DCAF5: variants seen among roughly 807,000 people sequenced by gnomAD.
The protein encoded by DCAF5 is DDB1- and CUL4-associated factor 5.
DCAF5 carries 9 observed loss-of-function variants against 80.7 expected under a neutral mutation model. That is an observed-to-expected ratio of 0.11 (90% confidence interval 0.07 to 0.19). The LOEUF is 0.19. Among genes scored for constraint, DCAF5 ranks in the 10% least tolerant of loss-of-function variants. DCAF5 has a pLI of 1.00. For synonymous variants in DCAF5, 433 were observed against 461.9 expected (o/e 0.94, Z 0.80); for missense variants, 842 against 1,205.7 (o/e 0.70, Z 4.47).
intron 1 of DCAF5, among the ~76,000 whole-genome samples, chr14:69,139,963 GA>G (rs2041314763): frequency 2.0e-5 from 3 of 151,666 alleles, no homozygotes; most frequent in Admixed American, 2.0e-4. Context: ...AAAGGAGAAA[GA>G]AAGAAGAAAA....
In DCAF5 at chr14:69,152,443, C is replaced by T. The variant is rs184373338; in HGVS notation, c.214+322G>A. The T allele has an allele frequency of 9.9e-5, 26 of 263,112 alleles. No individual in the cohort carries two copies. The highest frequency in any genetic ancestry group is 5.6e-4 in the African/African-American group (25 of 44,956). The allele number at this position is 263,112 out of a possible 1,614,324, so 16.3% of individuals were successfully genotyped here. A position where few individuals can be genotyped will look rare whatever the true frequency, so the allele number is the denominator to read the frequency against. On this transcript the variant is annotated intron_variant, in intron 1 of 8. Coordinates refer to ENST00000341516, the MANE Select transcript of DCAF5 (RefSeq NM_003861.3). This position sits in a 1 kb window ranked among gnomAD's most constrained non-coding sequence, Gnocchi z 4.1. ...TAAAGTACGCGGAGGAAGAGTTTGC[C>T]GTCAAACTTTGTAGAGCGGTAACCT...
intron 1 of DCAF5, among the ~76,000 whole-genome samples, chr14:69,149,221 T>C (rs932603399): frequency 6.6e-6 from 1 of 152,230 alleles, no homozygotes; most frequent in African/African-American, 2.4e-5. Context: ...GCTTAGTAAC[T>C]TGACTAAAGT....
At chr14:69,084,944 G>C (rs2039260352) in intron 6 of DCAF5, 1 of 1,428,146 alleles carries the variant, frequency 7.0e-7, no homozygotes, top group African/African-American at 1.4e-5. Flanking sequence ...ACCTAAATGG[G>C]AGAAGGCATG....
intron 6 of DCAF5, among the ~76,000 whole-genome samples, chr14:69,081,514 A>C (rs912550955): frequency 5.3e-5 from 8 of 152,132 alleles, no homozygotes; most frequent in Non-Finnish European, 1.0e-4. Context: ...TAGACATTTT[A>C]AGTAGGGTTA....
chr14:69,143,332 A>C (rs771078177), intron 1 of DCAF5, among the ~76,000 whole-genome samples: 4 of 152,212 alleles, frequency 2.6e-5, no homozygotes, highest in Non-Finnish European at 4.4e-5. Flanking sequence ...ATTCAGACCC[A>C]ACCTGGAAAT....
At chr14:69,104,968 G>C (rs1033441833) in intron 5 of DCAF5, among the ~76,000 whole-genome samples, 4 of 151,750 alleles carry the variant, frequency 2.6e-5, no homozygotes, top group African/African-American at 9.7e-5. Context: ...AAAAACCATT[G>C]TAACAACTAG....
chr14:69,116,536 T>C (rs1029893363), intron 4 of DCAF5, 41 bp from the exon 5 acceptor site: 1 of 1,593,590 alleles, frequency 6.3e-7, no homozygotes, highest in Non-Finnish European at 8.6e-7. Flanking sequence ...TCCAGGTACC[T>C]GTGGGCCACT....
At chr14:69,097,926 C>T (rs780542023) in intron 5 of DCAF5, among the ~76,000 whole-genome samples, 4 of 152,156 alleles carry the variant, frequency 2.6e-5, no homozygotes, top group Non-Finnish European at 4.4e-5. Flanking sequence ...TAGCTTGTCT[C>T]TGCTTTCATT....
At chr14:69,083,903 A>G in intron 6 of DCAF5, 1 of 776,592 alleles carries the variant, frequency 1.3e-6, no homozygotes, top group Non-Finnish European at 2.4e-6. Context: ...GGAGCTTTTG[A>G]GGATACTTCA....
intron 1 of DCAF5, among the ~76,000 whole-genome samples, chr14:69,127,455 C>T (rs976356012): frequency 6.6e-6 from 1 of 152,132 alleles, no homozygotes; most frequent in African/African-American, 2.4e-5. Flanking sequence ...ATGGAGACAA[C>T]AAAAAGATCA....
At chr14:69,106,351 C>T (rs1295495034) in intron 5 of DCAF5, among the ~76,000 whole-genome samples, 1 of 151,894 alleles carries the variant, frequency 6.6e-6, no homozygotes, top group Non-Finnish European at 1.5e-5. Context: ...CCACCGTGCC[C>T]ACCTTAACTG....
At position 69,122,257 on chromosome 14, in the gene DCAF5, G is replaced by A; in HGVS notation, c.318C>T (p.Cys106=). ...TAGTGTTCCCACTGTTGAAAGCCAG[G>A]CAAAAAATGTTGGAATGGTGCTCTC... ...LKGEHHSNIF[C]LAFNSGNTKV... Residue 106 remains cysteine, a synonymous_variant, in exon 2 of 9, where the codon TGC becomes TGT. Transcript: ENST00000341516. 6.2e-7 allele frequency: 1 copy of A among 1,613,916 alleles called. No individual in the cohort carries two copies.
chr14:69,140,547 A>G (rs560596765), intron 1 of DCAF5, among the ~76,000 whole-genome samples: 3 of 152,280 alleles, frequency 2.0e-5, no homozygotes, highest in African/African-American at 7.2e-5. Flanking sequence ...CCTCAGGAAA[A>G]ATTTCAACTC....
intron 7 of DCAF5, among the ~76,000 whole-genome samples, chr14:69,063,380 C>T (rs1468836229): frequency 2.6e-5 from 4 of 152,230 alleles, no homozygotes; most frequent in Non-Finnish European, 1.5e-5. Flanking sequence ...AGAACACATG[C>T]ACATAAATTC....
chr14:69,082,863 G>T (rs2039168659), intron 6 of DCAF5, among the ~76,000 whole-genome samples: 1 of 152,210 alleles, frequency 6.6e-6, no homozygotes, highest in Non-Finnish European at 1.5e-5. Flanking sequence ...GGAGGAGGAT[G>T]AGACAGGTTA....
chr14:69,133,580 TAGG>T lies in DCAF5; in HGVS notation c.215-11223_215-11221del, dbSNP rs1370330158. On this transcript the variant is annotated intron_variant, in intron 1 of 8. Transcript: ENST00000341516. ...GGGGGTACAGGCAGGTCTGGAGAGA[TAGG>T]AGAGGTGGTGTCACACAAATTTTGC... 2.6e-5 allele frequency among the ~76,000 whole-genome samples: 4 copies of T among 152,152 alleles called. No homozygotes were observed. The South Asian group carries it at 6.2e-4, about 24-fold the overall frequency.
Position 69,106,301 on chromosome 14 carries a change from C to G in DCAF5, c.665+10065G>C, listed in dbSNP as rs1187101529. Among the ~76,000 whole-genome samples the G allele has an allele frequency of 2.6e-5, 4 of 152,128 alleles. No homozygotes were observed. The South Asian group carries it at 8.3e-4, about 32-fold the overall frequency. The stretch of plus-strand genomic sequence containing the variant: ...AAACTCCTGACCTCAGGTGATCCAC[C>G]CTCCTTGGCCTCCCAAAGTGCTGGG... On this transcript the variant is annotated intron_variant, in intron 5 of 8. Transcript: ENST00000341516.
rs1177173794 is a variant in DCAF5, at chr14:69,152,187, G to A, written c.214+578C>T. On this transcript the variant is annotated intron_variant, in intron 1 of 8. Transcript: ENST00000341516. This position sits in a 1 kb window ranked among gnomAD's most constrained non-coding sequence, Gnocchi z 4.1. ...GGTGCTGGGCCTCTAAGAGCGCCGA[G>A]GGGGGCGGCCCACAGCGACCCTACC... 1.3e-5 allele frequency among the ~76,000 whole-genome samples: 2 copies of A among 152,162 alleles called. No individual in the cohort carries two copies. The highest frequency in any genetic ancestry group is 2.9e-5 in the Non-Finnish European group (2 of 68,020).
At chr14:69,072,152 T>C (rs1365334522) in intron 7 of DCAF5, among the ~76,000 whole-genome samples, 1 of 152,170 alleles carries the variant, frequency 6.6e-6, no homozygotes, top group African/African-American at 2.4e-5. Flanking sequence ...GCAAATACTC[T>C]CTAGGTAGGA....
Sources: allele counts gnomAD v4.1 joint callset (sites outside exome capture counted in the v4.1 genomes callset), GRCh38; gene constraint gnomAD v4.1.1; non-coding constraint Gnocchi (gnomAD v3.1); transcripts MANE v1.5; gene names NCBI Gene and HGNC (gene_info 2026-07-23, HGNC 2026-07-21).